Variants in SHISA6 observed in about 807,000 individuals in gnomAD.
SHISA6 encodes shisa family member 6, also known as protein shisa-6.
SHISA6 carries 22 observed loss-of-function variants against 47.9 expected under a neutral mutation model. That is an observed-to-expected ratio of 0.46 (90% CI 0.33 to 0.66). SHISA6 has a LOEUF of 0.66. Among genes scored for constraint, SHISA6 ranks in the 30% least tolerant of loss-of-function variants. The probability of loss-of-function intolerance (pLI) is 0.02; values close to 1 mark genes in which losing one functional copy is unlikely to be tolerated. For synonymous variants in SHISA6, 388 were observed against 337.8 expected (o/e 1.15, Z -1.63); for missense variants, 680 against 764.6 (o/e 0.89, Z 1.30).
At chr17:11,532,573 C>T (rs1269849623) in intron 3 of SHISA6, among the ~76,000 whole-genome samples, 1 of 152,148 alleles carries the variant, frequency 6.6e-6, no homozygotes. Flanking sequence ...ATCCCACATC[C>T]TCCCCTCCAG....
intron 3 of SHISA6, among the ~76,000 whole-genome samples, chr17:11,400,381 T>G (rs1913726783): frequency 6.6e-6 from 1 of 151,896 alleles, no homozygotes; most frequent in Non-Finnish European, 1.5e-5. Flanking sequence ...CTCTAGTTGC[T>G]CAAGCTAAAA....
chr17:11,445,136 T>C (rs966526834), intron 3 of SHISA6, among the ~76,000 whole-genome samples: 1 of 152,134 alleles, frequency 6.6e-6, no homozygotes, highest in East Asian at 1.9e-4. Flanking sequence ...CAGGGACGTT[T>C]TTCCCGGTGG....
Position 11,468,715 on chromosome 17 carries a change from T to C in SHISA6, c.896-83181T>C, listed in dbSNP as rs143320429. Among the ~76,000 whole-genome samples the C allele has an allele frequency of 4.9e-4, 74 of 152,242 alleles. No individual in the cohort carries two copies. The Middle Eastern group carries it at 0.01, about 21-fold the overall frequency. Reference sequence around the variant, plus strand: ...ATCCTGGGTGCAACGGCTTCTACCATTTCCTTAGAAGATAAGTCTTTTGGG... The same window carrying C: ...ATCCTGGGTGCAACGGCTTCTACCACTTCCTTAGAAGATAAGTCTTTTGGG... On this transcript the variant is annotated intron_variant, in intron 3 of 5. Coordinates refer to ENST00000441885, the MANE Select transcript of SHISA6 (RefSeq NM_207386.4).
intron 3 of SHISA6, among the ~76,000 whole-genome samples, chr17:11,421,749 G>A (rs1179308342): frequency 6.6e-6 from 1 of 152,240 alleles, no homozygotes; most frequent in Non-Finnish European, 1.5e-5. Flanking sequence ...CCTAGTCTGA[G>A]TTTCTTTGCA....
At chr17:11,472,317 T>C (rs1324251206) in intron 3 of SHISA6, among the ~76,000 whole-genome samples, 2 of 152,164 alleles carry the variant, frequency 1.3e-5, no homozygotes, top group East Asian at 3.9e-4. Flanking sequence ...CCAGCTTAGC[T>C]TCCTGAGCAG....
At chr17:11,361,784 C>T (rs769627737) in intron 2 of SHISA6, among the ~76,000 whole-genome samples, 9 of 152,170 alleles carry the variant, frequency 5.9e-5, no homozygotes, top group Admixed American at 1.3e-4. Context: ...GCACTGTGCT[C>T]GCTGCAGGGT....
rs530556753 is a variant in SHISA6 at position 11,541,146 on chromosome 17, T to C, written c.896-10750T>C. On this transcript the variant is annotated intron_variant, in intron 3 of 5. Coordinates refer to ENST00000441885, the MANE Select transcript of SHISA6 (RefSeq NM_207386.4). ...TTACCAGAGGAAATGTTTCTTCTAA[T>C]GAAATCTTAGGTAGAGGCCCAGTAC... Among the ~76,000 whole-genome samples the C allele has an allele frequency of 2.0e-5, 3 of 152,330 alleles. 1 individual carries two copies. The highest frequency in any genetic ancestry group is 3.9e-4 in the East Asian group (2 of 5,188).
chr17:11,295,632 G>A lies in SHISA6; in HGVS notation c.799+32106G>A, dbSNP rs540016728. On this transcript the variant is annotated intron_variant, in intron 2 of 5. Coordinates refer to ENST00000441885, the MANE Select transcript of SHISA6 (RefSeq NM_207386.4). ...AGGGACAGTCCTAGCAAGCCATTTT[G>A]AGGAGGTGACGTTTGAGCTGAGACC... is the stretch of plus-strand genomic sequence containing the variant. 3.9e-5 allele frequency among the ~76,000 whole-genome samples: 6 copies of A among 152,260 alleles called. No individual in the cohort carries two copies. In the South Asian group the frequency reaches 6.2e-4, roughly 16 times the overall value.
intron 3 of SHISA6, among the ~76,000 whole-genome samples, chr17:11,382,532 G>T (rs1335357614): frequency 1.3e-5 from 2 of 152,192 alleles, no homozygotes; most frequent in Non-Finnish European, 2.9e-5. Flanking sequence ...AATATCCCAT[G>T]GAAGGGAACA....
intron 2 of SHISA6, among the ~76,000 whole-genome samples, chr17:11,343,440 C>T (rs1230074816): frequency 9.2e-5 from 14 of 152,120 alleles, no homozygotes; most frequent in Admixed American, 9.2e-4. Flanking sequence ...GAGTGGAGAA[C>T]TGAGAAAGTG....
In SHISA6 at chr17:11,555,709, T is replaced by A. The variant is rs1015185932; in HGVS notation, c.953-31T>A. The A allele has an allele frequency of 2.0e-6, 3 of 1,505,492 alleles. No individual in the cohort carries two copies. In the East Asian group the frequency reaches 7.4e-5, roughly 37 times the overall value. 93.3% of individuals were successfully genotyped at this position (1,505,492 alleles called of 1,614,324 possible). A position where few individuals can be genotyped will look rare whatever the true frequency, so the allele number is the denominator to read the frequency against. On this transcript the variant is annotated intron_variant, in intron 4 of 5. Coordinates refer to ENST00000441885, the MANE Select transcript of SHISA6 (RefSeq NM_207386.4). ...CACCTGCCACAGACATGGTCCTCAT[T>A]AATACAAAACACCCCTCCCTTTTCT...
Position 11,525,635 on chromosome 17 carries a change from AAAAAAAAAAAAAAAAAC to A in SHISA6, c.896-26247_896-26231del, listed in dbSNP as rs1374229548. 4.9e-5 allele frequency among the ~76,000 whole-genome samples: 4 copies of A among 81,454 alleles called. 1 individual carries two copies. Among genetic ancestry groups the A allele is most frequent in the Non-Finnish European group, 9.4e-5 (4 of 42,714 alleles). 53.4% of individuals were successfully genotyped at this position (81,454 alleles called of 152,430 possible). Reference sequence around the variant, plus strand: ...CAACAGAGCAAGACTCCGTCTCAAAAAAAAAAAAAAAAAAAACAAAAAAAAAAAAACGTGTTATAATA... The same window carrying A: ...CAACAGAGCAAGACTCCGTCTCAAAAAAAAAAAAAAAAACGTGTTATAATA... On this transcript the variant is annotated intron_variant, in intron 3 of 5. Coordinates refer to ENST00000441885, the MANE Select transcript of SHISA6 (RefSeq NM_207386.4).
At chr17:11,545,950 G>A (rs1298558594) in intron 3 of SHISA6, among the ~76,000 whole-genome samples, 1 of 152,182 alleles carries the variant, frequency 6.6e-6, no homozygotes, top group Non-Finnish European at 1.5e-5. Flanking sequence ...GTCGTGCAAG[G>A]TTACTCCTGC....
intron 2 of SHISA6, among the ~76,000 whole-genome samples, chr17:11,327,466 C>T (rs1416532948): frequency 2.0e-5 from 3 of 152,174 alleles, no homozygotes; most frequent in African/African-American, 7.2e-5. Context: ...AGAAAAGCAT[C>T]TCTATCTACT....
intron 2 of SHISA6, among the ~76,000 whole-genome samples, chr17:11,350,185 T>TATTTATTTG (rs770023770): frequency 8.4e-6 from 1 of 118,484 alleles, no homozygotes; most frequent in African/African-American, 3.3e-5. Flanking sequence ...TTTATTTATT[T>TATTTATTTG]TTTTTTTTTT....
intron 3 of SHISA6, among the ~76,000 whole-genome samples, chr17:11,419,985 G>A (rs1019914952): frequency 3.9e-5 from 6 of 152,062 alleles, no homozygotes; most frequent in Non-Finnish European, 7.4e-5. Context: ...AAGTGGATGG[G>A]CTGAGGTCAG....
At chr17:11,463,733 GTA>G (rs1308951210) in intron 3 of SHISA6, among the ~76,000 whole-genome samples, 1 of 152,124 alleles carries the variant, frequency 6.6e-6, no homozygotes, top group African/African-American at 2.4e-5. Context: ...GTACTTTATG[GTA>G]CAAGTACGCA....
intron 3 of SHISA6, among the ~76,000 whole-genome samples, chr17:11,441,990 C>T (rs1298186582): frequency 6.6e-6 from 1 of 152,182 alleles, no homozygotes; most frequent in Non-Finnish European, 1.5e-5. Flanking sequence ...TAGCCATGGG[C>T]AAAGCCAGGA....
At chr17:11,312,606 G>A (rs1044928733) in intron 2 of SHISA6, among the ~76,000 whole-genome samples, 1 of 152,168 alleles carries the variant, frequency 6.6e-6, no homozygotes, top group Non-Finnish European at 1.5e-5. Context: ...AGCATCCAAA[G>A]AGACCTTGTC....
Sources: gnomAD v4.1 joint callset for allele counts (sites outside exome capture counted in the v4.1 genomes callset) on GRCh38, gnomAD v4.1.1 for gene constraint, MANE v1.5 for transcripts, NCBI Gene and HGNC (gene_info 2026-07-23, HGNC 2026-07-21) for gene names.